AMD1: variants seen among roughly 807,000 people sequenced by gnomAD.
AMD1 encodes S-adenosylmethionine decarboxylase proenzyme.
AMD1 carries 11 observed loss-of-function variants against 40.2 expected under a neutral mutation model. The observed-to-expected ratio is 0.27, with a 90% CI of 0.17 to 0.45. The LOEUF (loss-of-function observed/expected upper bound fraction) is 0.45. Ranked by LOEUF, AMD1 falls within the 20% of genes least tolerant of loss-of-function variation. AMD1 has a pLI of 1.00. For missense variants in AMD1, 257 were observed against 410.2 expected (o/e 0.63, Z 3.23); for synonymous variants, 121 against 130.8 (o/e 0.93, Z 0.51).
At chr6:110,850,870 GATTA>G in the AMD1 span, among the ~76,000 whole-genome samples, 2 of 152,132 alleles carry the variant, frequency 1.3e-5, no homozygotes, top group African/African-American at 2.4e-5. Context: ...TTCTATTTGA[GATTA>G]ATTATTTAAA....
the AMD1 span, among the ~76,000 whole-genome samples, chr6:110,852,982 CTTTTTTTTTTTT>C: frequency 9.0e-6 from 1 of 111,496 alleles, no homozygotes; most frequent in African/African-American, 3.5e-5. Flanking sequence ...TAATTAAGCA[CTTTTTTTTTTTT>C]TTTTTTTTTA....
the AMD1 span, among the ~76,000 whole-genome samples, chr6:110,838,685 C>A: frequency 2.6e-5 from 4 of 151,988 alleles, no homozygotes; most frequent in Non-Finnish European, 4.4e-5. Context: ...ATGGTGAAAC[C>A]CTGACTCTAC....
At position 110,895,234 on chromosome 6, in the gene AMD1, A is replaced by C. The variant is rs1013886099; in HGVS notation, c.*1618A>C. On this transcript the variant is annotated 3_prime_UTR_variant, in exon 9 of 9. Coordinates refer to ENST00000368885, the MANE Select transcript of AMD1 (RefSeq NM_001634.6). ...CTAAAATCTACTTGGTTTGAAATCA[A>C]GTGGTTGGAACACTGTTTGACTTTT... The C allele has an allele frequency of 2.6e-5, 4 of 152,210 alleles. No homozygotes were observed. The highest frequency in any genetic ancestry group is 9.6e-5 in the African/African-American group (4 of 41,454). 9.4% of individuals were successfully genotyped at this position (152,210 alleles called of 1,614,324 possible).
the AMD1 span, among the ~76,000 whole-genome samples, chr6:110,825,034 C>A: frequency 1.3e-5 from 2 of 152,096 alleles, no homozygotes; most frequent in African/African-American, 2.4e-5. Flanking sequence ...ATAGTAGTCC[C>A]ACCTTGTCCT....
chr6:110,853,119 CTTTCTTTT>C, the AMD1 span, among the ~76,000 whole-genome samples: 4 of 146,500 alleles, frequency 2.7e-5, no homozygotes, highest in East Asian at 8.0e-4. Flanking sequence ...TTTTTCTTTT[CTTTCTTTT>C]TTTCTTTTTT....
At chr6:110,841,342 C>A in the AMD1 span, among the ~76,000 whole-genome samples, 1 of 152,174 alleles carries the variant, frequency 6.6e-6, no homozygotes, top group African/African-American at 2.4e-5. Context: ...GCTAATAATT[C>A]TTTGTTAAGC....
chr6:110,876,135 T>C (rs118102869), intron 1 of AMD1, among the ~76,000 whole-genome samples: 1,804 of 152,344 alleles, frequency 0.012, 19 homozygotes, highest in Non-Finnish European at 0.02. Flanking sequence ...CGAGAGATAC[T>C]TGGGCTGACC....
the AMD1 span, among the ~76,000 whole-genome samples, chr6:110,818,817 C>T: frequency 2.6e-5 from 4 of 152,162 alleles, no homozygotes; most frequent in East Asian, 5.8e-4. Context: ...GGATTATAGG[C>T]GCGAGCCTAA....
intron 1 of AMD1, among the ~76,000 whole-genome samples, chr6:110,875,967 C>G (rs544198145): frequency 1.3e-5 from 2 of 152,174 alleles, no homozygotes; most frequent in Admixed American, 1.3e-4. Context: ...GCTCCCCAAT[C>G]TCTTGACCTT....
chr6:110,824,750 G>A, the AMD1 span, among the ~76,000 whole-genome samples: 1 of 152,074 alleles, frequency 6.6e-6, no homozygotes, highest in Non-Finnish European at 1.5e-5. Flanking sequence ...TGAAGGTAAG[G>A]GCAAAGGGCT....
At chr6:110,829,061 T>C in the AMD1 span, among the ~76,000 whole-genome samples, 2 of 151,854 alleles carry the variant, frequency 1.3e-5, no homozygotes, top group African/African-American at 2.4e-5. Flanking sequence ...TCCCAGCTAC[T>C]TGGGAGGCTG....
the AMD1 span, among the ~76,000 whole-genome samples, chr6:110,827,641 T>C: frequency 6.6e-6 from 1 of 151,956 alleles, no homozygotes; most frequent in African/African-American, 2.4e-5. Flanking sequence ...GGGGGGCACC[T>C]GTAGTCCCAG....
At chr6:110,846,937 G>A in the AMD1 span, among the ~76,000 whole-genome samples, 1 of 151,790 alleles carries the variant, frequency 6.6e-6, no homozygotes, top group Non-Finnish European at 1.5e-5. Context: ...TTTATACAAG[G>A]TCCTTACATT....
chr6:110,880,879 T>G (rs1312408662), intron 1 of AMD1, among the ~76,000 whole-genome samples: 14 of 151,768 alleles, frequency 9.2e-5, no homozygotes, highest in Admixed American at 9.2e-4. Flanking sequence ...GCTATGTTGG[T>G]CAGGCTGGTC....
upstream of AMD1, among the ~76,000 whole-genome samples, chr6:110,873,308 G>A (rs747024763): frequency 2.4e-4 from 37 of 152,204 alleles, no homozygotes; most frequent in Non-Finnish European, 3.7e-4. Context: ...AGGTTGCAGT[G>A]AGCCGAGATC....
the AMD1 span, among the ~76,000 whole-genome samples, chr6:110,852,983 T>TA: frequency 3.3e-5 from 2 of 60,140 alleles, no homozygotes; most frequent in Middle Eastern, 6.3e-3. Context: ...AATTAAGCAC[T>TA]TTTTTTTTTT....
the AMD1 span, among the ~76,000 whole-genome samples, chr6:110,868,713 T>G: frequency 1.3e-5 from 2 of 152,126 alleles, no homozygotes; most frequent in Non-Finnish European, 2.9e-5. Context: ...AAACAGCTTT[T>G]GGGACAGATT....
At chr6:110,823,034 G>A in the AMD1 span, among the ~76,000 whole-genome samples, 3 of 152,166 alleles carry the variant, frequency 2.0e-5, no homozygotes, top group Non-Finnish European at 2.9e-5. Context: ...AAAATCACTT[G>A]AACCCAGGAG....
the AMD1 span, among the ~76,000 whole-genome samples, chr6:110,826,242 A>G: frequency 7.2e-6 from 1 of 138,748 alleles, no homozygotes; most frequent in East Asian, 2.3e-4. Flanking sequence ...ACTGCACTCC[A>G]GCCTGGGCAA....
Sources: gnomAD v4.1 joint callset for allele counts (sites outside exome capture counted in the v4.1 genomes callset) on GRCh38, gnomAD v4.1.1 for gene constraint, MANE v1.5 for transcripts, NCBI Gene and HGNC (gene_info 2026-07-23, HGNC 2026-07-21) for gene names.